The following GABRG2 variants were observed in gnomAD, a reference collection of about 807,000 sequenced individuals.
GABRG2 encodes gamma-aminobutyric acid receptor subunit gamma-2.
In GABRG2, 16 loss-of-function variants were observed where a neutral mutation model predicts 56.4. That is an observed-to-expected ratio of 0.28 (90% CI 0.19 to 0.43). The LOEUF (loss-of-function observed/expected upper bound fraction) is 0.43. Ranked by LOEUF, GABRG2 falls within the 20% of genes least tolerant of loss-of-function variation. The probability of loss-of-function intolerance (pLI) is 1.00; values close to 1 mark genes in which losing one functional copy is unlikely to be tolerated. For missense variants in GABRG2, 327 were observed against 582.7 expected (o/e 0.56, Z 4.52); for synonymous variants, 208 against 205.5 (o/e 1.01, Z -0.10).
At chr5:162,118,753 C>T (rs1219413082) in intron 6 of GABRG2, among the ~76,000 whole-genome samples, 1 of 152,000 alleles carries the variant, frequency 6.6e-6, no homozygotes, top group Non-Finnish European at 1.5e-5. Flanking sequence ...ATTTTGTCAT[C>T]GGGACTTAAG....
intron 6 of GABRG2, among the ~76,000 whole-genome samples, chr5:162,121,428 C>A (rs934202841): frequency 1.3e-5 from 2 of 152,018 alleles, no homozygotes; most frequent in Non-Finnish European, 2.9e-5. Flanking sequence ...AACCAGTTGG[C>A]AGACTCTAGT....
intron 7 of GABRG2, among the ~76,000 whole-genome samples, chr5:162,146,148 G>A (rs759325788): frequency 9.2e-5 from 14 of 151,898 alleles, no homozygotes; most frequent in South Asian, 2.1e-4. Context: ...TATGGAAGAC[G>A]CCAGACCCAT....
intron 5 of GABRG2, chr5:162,103,093 T>G (rs935538750): frequency 6.5e-6 from 1 of 153,830 alleles, no homozygotes; most frequent in Admixed American, 6.4e-5. Flanking sequence ...TGTTTATCCA[T>G]TCAACAAATA....
At chr5:162,130,402 A>C (rs371050331) in intron 6 of GABRG2, among the ~76,000 whole-genome samples, 3 of 151,852 alleles carry the variant, frequency 2.0e-5, no homozygotes, top group African/African-American at 4.8e-5. Context: ...AGCTGCTTTC[A>C]AAGCCATTTT....
intron 1 of GABRG2, among the ~76,000 whole-genome samples, chr5:162,068,472 GT>G (rs1758400653): frequency 6.6e-6 from 1 of 150,876 alleles, no homozygotes; most frequent in Non-Finnish European, 1.5e-5. Flanking sequence ...TTGGGTGGGG[GT>G]CTGATGGAGA....
intron 1 of GABRG2, among the ~76,000 whole-genome samples, chr5:162,079,473 CTATT>C (rs1274944989): frequency 2.0e-5 from 3 of 152,124 alleles, no homozygotes; most frequent in Non-Finnish European, 2.9e-5. Context: ...TCCTGAATTC[CTATT>C]TATTTTGTTA....
At chr5:162,126,170 T>C (rs1180941988) in intron 6 of GABRG2, among the ~76,000 whole-genome samples, 1 of 151,862 alleles carries the variant, frequency 6.6e-6, no homozygotes, top group African/African-American at 2.4e-5. Flanking sequence ...CTTCAAGAAA[T>C]GAGGGGGTAA....
chr5:162,114,669 T>G (rs1762490116), intron 6 of GABRG2, among the ~76,000 whole-genome samples: 2 of 152,164 alleles, frequency 1.3e-5, no homozygotes, highest in Non-Finnish European at 2.9e-5. Context: ...TTAGGTGAAT[T>G]GCAAAGAAGT....
chr5:162,149,061 A>G (rs763791095), intron 7 of GABRG2, 47 bp from the exon 8 acceptor site: 9 of 1,579,778 alleles, frequency 5.7e-6, no homozygotes, highest in Non-Finnish European at 7.8e-6. Context: ...CAGTTACCCA[A>G]CTTGCTTATG....
At position 162,103,906 on chromosome 5, in the gene GABRG2, G is replaced by T; in HGVS notation, c.649G>T (p.Glu217Ter). The change falls in exon 6 of 10, where the codon GAA becomes TAA. Residue 217 changes from glutamate (E) to a stop codon, truncating the protein, a stop_gained. Transcript: ENST00000639213. LOFTEE classifies it high-confidence loss of function. ...EFSSYGYPRE[E>*]IVYQWKRSSV... ...CACGGCAGATGGCTATCCACGTGAA[G>T]AAATTGTTTATCAATGGAAGCGAAG... 1 of 1,613,972 alleles carries T rather than the reference G, an allele frequency of 6.2e-7. No individual in the cohort carries two copies. The highest frequency in any genetic ancestry group is 8.5e-7 in the Non-Finnish European group (1 of 1,179,924).
chr5:162,122,726 A>C (rs1295281131), intron 6 of GABRG2, among the ~76,000 whole-genome samples: 1 of 151,822 alleles, frequency 6.6e-6, no homozygotes, highest in East Asian at 1.9e-4. Flanking sequence ...TGGCTTCATC[A>C]GTAAATATAT....
At position 162,068,120 on chromosome 5, in the gene GABRG2, T is replaced by C; in HGVS notation, c.107+14T>C. The C allele has an allele frequency of 6.3e-7, 1 of 1,591,410 alleles. No homozygotes were observed. Among genetic ancestry groups the C allele is most frequent in the Non-Finnish European group, 8.6e-7 (1 of 1,160,142 alleles). ...GCTCTACCCTGGGTAAGATGTGCCCTTTTTGGCGTCGTTTTGTTCTGAAGA... is the reference window on the plus strand; with the variant it reads ...GCTCTACCCTGGGTAAGATGTGCCCCTTTTGGCGTCGTTTTGTTCTGAAGA... On this transcript the variant is annotated intron_variant, in intron 1 of 9. Coordinates refer to ENST00000639213, the MANE Select transcript of GABRG2 (RefSeq NM_198904.4).
chr5:162,097,221 T>C (rs1231650803), intron 3 of GABRG2, among the ~76,000 whole-genome samples: 1 of 152,156 alleles, frequency 6.6e-6, no homozygotes, highest in Non-Finnish European at 1.5e-5. Context: ...TGTCATTACT[T>C]GGCAGGATTG....
intron 1 of GABRG2, among the ~76,000 whole-genome samples, chr5:162,079,011 A>G (rs770116702): frequency 6.0e-5 from 9 of 150,120 alleles, no homozygotes; most frequent in Non-Finnish European, 1.0e-4. Context: ...TAAATAGATT[A>G]ATATTATATA....
In GABRG2 at chr5:162,131,017, G is replaced by A. The variant is rs1763701041; in HGVS notation, c.770-11147G>A. Among the ~76,000 whole-genome samples, 7 of 152,112 alleles carry A rather than the reference G, an allele frequency of 4.6e-5. No homozygotes were observed. The South Asian group carries it at 1.2e-3, about 27-fold the overall frequency. ...TTCAATAAGAAAACACCTAAGTGAT[G>A]AAGTGTCTTAATTTCACCAAATAGA... On this transcript the variant is annotated intron_variant, in intron 6 of 9. Transcript: ENST00000639213.
Position 162,151,760 on chromosome 5 carries a change from T to A in GABRG2, c.1152+7T>A, listed in dbSNP as rs374405346. On this transcript the variant is annotated splice_region_variant and intron_variant, in intron 9 of 9. Coordinates refer to ENST00000639213, the MANE Select transcript of GABRG2 (RefSeq NM_198904.4). ...TCGGATGTTTTCCTTCAAGGTATAA[T>A]GTTTTTGGAATGGAAATTCACTGCA... The A allele has an allele frequency of 1.6e-5, 25 of 1,610,522 alleles. No homozygotes were observed. Among genetic ancestry groups the A allele is most frequent in the Non-Finnish European group, 2.1e-5 (25 of 1,177,516 alleles).
At chr5:162,071,879 C>G (rs1758701861) in intron 1 of GABRG2, among the ~76,000 whole-genome samples, 1 of 151,358 alleles carries the variant, frequency 6.6e-6, no homozygotes, top group East Asian at 1.9e-4. Context: ...GGGACTCTAC[C>G]TTTCAAATTC....
rs180813434 is a variant in GABRG2, at chr5:162,146,511, C to A, written c.923-2597C>A. ...CTTTATTTGCAATTAAAAATATCTCCCAAAAGTCATAATTATGGATTCCTA... is the reference window on the plus strand; with the variant it reads ...CTTTATTTGCAATTAAAAATATCTCACAAAAGTCATAATTATGGATTCCTA... On this transcript the variant is annotated intron_variant, in intron 7 of 9. Transcript: ENST00000639213. Among the ~76,000 whole-genome samples the A allele has an allele frequency of 3.9e-3, 591 of 152,056 alleles. 9 individuals carry two copies. The highest frequency in any genetic ancestry group is 0.013 in the African/African-American group (526 of 41,398).
chr5:162,112,709 G>A (rs1048757905), intron 6 of GABRG2, among the ~76,000 whole-genome samples: 3 of 151,990 alleles, frequency 2.0e-5, no homozygotes, highest in African/African-American at 7.2e-5. Flanking sequence ...ACATTGTGTT[G>A]CACAACATTC....
Sources: gnomAD v4.1 joint callset for allele counts (sites outside exome capture counted in the v4.1 genomes callset) on GRCh38, gnomAD v4.1.1 for gene constraint, MANE v1.5 for transcripts, NCBI Gene and HGNC (gene_info 2026-07-23, HGNC 2026-07-21) for gene names.